The following TCF3 variants were observed in gnomAD, a reference collection of about 807,000 sequenced individuals.
The protein encoded by TCF3 is transcription factor E2-alpha.
A neutral mutation model predicts 72.3 loss-of-function variants in TCF3; 54 were observed. The observed-to-expected ratio is 0.75, with a 90% CI of 0.60 to 0.94. The LOEUF (loss-of-function observed/expected upper bound fraction) is 0.94, where lower values mean the gene tolerates loss of function less well. Among genes scored for constraint, TCF3 ranks in the 40% least tolerant of loss-of-function variants. TCF3 has a pLI of 0.00. For synonymous variants in TCF3, 525 were observed against 412.6 expected (o/e 1.27, Z -3.30); for missense variants, 1,078 against 934.4 (o/e 1.15, Z -2.00).
chr19:1,624,136 G>A (rs766348133), intron 7 of TCF3, 136 bp from the exon 8 acceptor site: 9 of 781,482 alleles, frequency 1.2e-5, no homozygotes, highest in African/African-American at 3.5e-5. Flanking sequence ...GGTGCCTCAT[G>A]CCTGTAATAC....
intron 5 of TCF3, among the ~76,000 whole-genome samples, chr19:1,631,472 T>G (rs1236146147): frequency 6.6e-6 from 1 of 152,062 alleles, no homozygotes; most frequent in Non-Finnish European, 1.5e-5. Flanking sequence ...TTTCACCATG[T>G]TGGCCAGGCT....
chr19:1,624,527 T>C (rs949151803), intron 7 of TCF3, among the ~76,000 whole-genome samples: 9 of 152,262 alleles, frequency 5.9e-5, no homozygotes, highest in Admixed American at 2.6e-4. Context: ...TGGTGGATTC[T>C]AAGCCAAGGC....
intron 16 of TCF3, among the ~76,000 whole-genome samples, chr19:1,617,153 G>A (rs539797889): frequency 1.3e-5 from 2 of 152,338 alleles, no homozygotes; most frequent in Admixed American, 1.3e-4. Context: ...TCTTGCCTGT[G>A]GGAGGGCAAC....
chr19:1,624,755 G>A (rs1012670769), intron 7 of TCF3, among the ~76,000 whole-genome samples: 9 of 152,218 alleles, frequency 5.9e-5, no homozygotes, highest in African/African-American at 1.2e-4. Flanking sequence ...CAGCCAAGGC[G>A]GAACAGAGGC....
intron 3 of TCF3, among the ~76,000 whole-genome samples, chr19:1,642,544 A>T (rs2065486943): frequency 6.6e-6 from 1 of 152,216 alleles, no homozygotes; most frequent in Non-Finnish European, 1.5e-5. Flanking sequence ...GAGTAACAGA[A>T]AATTCACCAG....
intron 3 of TCF3, among the ~76,000 whole-genome samples, chr19:1,643,732 C>T (rs2065663841): frequency 1.3e-5 from 2 of 152,228 alleles, no homozygotes; most frequent in South Asian, 4.1e-4. Flanking sequence ...TATCGAAGAA[C>T]AGGCAGACCC....
chr19:1,610,359 C>T lies in TCF3; in HGVS notation c.*1348G>A. ...GGATGCTCCCCAGCATTGGGGGAGG[C>T]TGGCCAGGCCCCTGGCATCCTGTCT... On this transcript the variant is annotated 3_prime_UTR_variant, in exon 19 of 19. Transcript: ENST00000262965. 4.3e-6 allele frequency: 1 copy of T among 231,178 alleles called. No homozygotes were observed. The allele number at this position is 231,178 out of a possible 1,614,324, so 14.3% of individuals were successfully genotyped here.
intron 3 of TCF3, among the ~76,000 whole-genome samples, chr19:1,642,141 C>A (rs1369299882): frequency 6.7e-6 from 1 of 149,634 alleles, no homozygotes; most frequent in Non-Finnish European, 1.5e-5. Flanking sequence ...CACACACACA[C>A]ACACACACAC....
In TCF3 at chr19:1,622,427, TG is replaced by T; in HGVS notation, c.550-13del. 1 of 440,426 alleles carries T rather than the reference TG, an allele frequency of 2.3e-6. No individual in the cohort carries two copies. Among genetic ancestry groups the T allele is most frequent in the Non-Finnish European group, 3.9e-6 (1 of 257,372 alleles). 27.3% of individuals were successfully genotyped at this position (440,426 alleles called of 1,614,324 possible). ...CTGGGTGGGTACACCTGCGGGCGGG[TG>T]GGCGGTGGGGGGTGCAGTCAGGACG... On this transcript the variant is annotated splice_polypyrimidine_tract_variant and intron_variant, in intron 8 of 18. Coordinates refer to ENST00000262965, the MANE Select transcript of TCF3 (RefSeq NM_003200.5).
chr19:1,650,502 A>G (rs549147994), intron 1 of TCF3: 2 of 466,780 alleles, frequency 4.3e-6, no homozygotes, highest in Admixed American at 3.8e-5. Context: ...AGTCCTCCCC[A>G]GAGACCACAG....
intron 5 of TCF3, 164 bp downstream of exon 5, chr19:1,631,874 C>A (rs1055586818): frequency 5.3e-6 from 8 of 1,513,572 alleles, no homozygotes; most frequent in Non-Finnish European, 7.1e-6. Flanking sequence ...ACGTCCCCTG[C>A]ACCTCCCCGC....
In TCF3 at chr19:1,609,879, G is replaced by A. The variant is rs577934428; in HGVS notation, c.*1828C>T. The stretch of plus-strand genomic sequence containing the variant: ...GGTGGGAGTCTCAGGAGTGGCACGG[G>A]GGGAGACGCCCGACCTGCAGCGGGG... On this transcript the variant is annotated 3_prime_UTR_variant, in exon 19 of 19. Transcript: ENST00000262965. 4.3e-6 allele frequency: 1 copy of A among 232,506 alleles called. No homozygotes were observed. Among genetic ancestry groups the A allele is most frequent in the African/African-American group, 2.2e-5 (1 of 45,364 alleles). The allele number at this position is 232,506 out of a possible 1,614,324, so 14.4% of individuals were successfully genotyped here.
At chr19:1,620,446 C>T (rs1472159911) in intron 13 of TCF3, among the ~76,000 whole-genome samples, 2 of 152,214 alleles carry the variant, frequency 1.3e-5, no homozygotes, top group African/African-American at 4.8e-5. Context: ...GGTAAACAGT[C>T]AGTACCTAAT....
chr19:1,620,922 A>G (rs1599587731), intron 13 of TCF3, 46 bp downstream of exon 13: 3 of 1,405,208 alleles, frequency 2.1e-6, no homozygotes, highest in Non-Finnish European at 2.8e-6. Flanking sequence ...CTCCCCCCAA[A>G]CCCTCACAGA....
At chr19:1,644,575 G>A (rs527257344) in intron 3 of TCF3, among the ~76,000 whole-genome samples, 2 of 152,354 alleles carry the variant, frequency 1.3e-5, no homozygotes, top group South Asian at 4.1e-4. Flanking sequence ...GGCAGGGCCG[G>A]AGCACAGGGC....
At chr19:1,639,731 T>C (rs1171080021) in intron 3 of TCF3, among the ~76,000 whole-genome samples, 3 of 119,562 alleles carry the variant, frequency 2.5e-5, no homozygotes, top group Non-Finnish European at 4.8e-5. Flanking sequence ...TGAAGCAACC[T>C]GACCTGAAGA....
intron 4 of TCF3, 107 bp downstream of exon 4, chr19:1,632,225 A>G (rs1029134555): frequency 6.5e-7 from 1 of 1,546,620 alleles, no homozygotes; most frequent in East Asian, 2.4e-5. Flanking sequence ...CCCAGTCCAA[A>G]CCCCTGGAAG....
intron 16 of TCF3, among the ~76,000 whole-genome samples, chr19:1,618,488 A>G (rs945576281): frequency 6.6e-6 from 1 of 151,026 alleles, no homozygotes; most frequent in East Asian, 2.0e-4. Context: ...AAGGCCCCGC[A>G]TGACCTGCCC....
At chr19:1,644,101 G>C (rs2065720248) in intron 3 of TCF3, among the ~76,000 whole-genome samples, 1 of 152,250 alleles carries the variant, frequency 6.6e-6, no homozygotes, top group Admixed American at 6.5e-5. Flanking sequence ...CCTCTTCCTG[G>C]GTCCTCGGAG....
Sources: gnomAD v4.1 joint callset for allele counts (sites outside exome capture counted in the v4.1 genomes callset) on GRCh38, gnomAD v4.1.1 for gene constraint, MANE v1.5 for transcripts, NCBI Gene and HGNC (gene_info 2026-07-23, HGNC 2026-07-21) for gene names.